The following BTAF1 variants were observed in gnomAD, a reference collection of about 807,000 sequenced individuals.
BTAF1 encodes B-TFIID TATA-box binding protein associated factor 1.
In BTAF1, 38 loss-of-function variants were observed where a neutral mutation model predicts 227.1. That is an observed-to-expected ratio of 0.17 (90% CI 0.13 to 0.22). BTAF1 has a LOEUF of 0.22. BTAF1 is among the 10% of genes least tolerant of loss of function. The pLI is 1.00. For missense variants in BTAF1, 1,598 were observed against 2,204.0 expected (o/e 0.73, Z 5.51); for synonymous variants, 742 against 751.9 (o/e 0.99, Z 0.21).
chr10:92,019,697 A>G (rs1288955983), intron 34 of BTAF1, among the ~76,000 whole-genome samples: 3 of 152,182 alleles, frequency 2.0e-5, no homozygotes, highest in Non-Finnish European at 4.4e-5. Flanking sequence ...TAGTCATCCT[A>G]CTAGGTATGA....
intron 18 of BTAF1, 43 bp from the exon 19 acceptor site, chr10:91,984,158 A>G (rs1320064905): frequency 6.5e-7 from 1 of 1,535,966 alleles, no homozygotes; most frequent in Non-Finnish European, 8.9e-7. Flanking sequence ...CTATAAAGTT[A>G]ATGTTCATAC....
chr10:92,006,671 T>C (rs904272386), intron 25 of BTAF1, among the ~76,000 whole-genome samples: 11 of 152,242 alleles, frequency 7.2e-5, no homozygotes, highest in Non-Finnish European at 1.5e-4. Flanking sequence ...CTTGAAAATA[T>C]GAATTTTATC....
chr10:91,954,663 T>A (rs1589799182), intron 6 of BTAF1, among the ~76,000 whole-genome samples: 1 of 151,956 alleles, frequency 6.6e-6, no homozygotes. Context: ...GCTCAAGCAA[T>A]CCTCCTGCCT....
intron 1 of BTAF1, chr10:91,935,284 A>G (rs184893063): frequency 6.3e-6 from 1 of 159,246 alleles, no homozygotes; most frequent in Admixed American, 6.2e-5. Flanking sequence ...ATTTGAAAAT[A>G]TACGGTAAAT....
intron 14 of BTAF1, among the ~76,000 whole-genome samples, chr10:91,978,182 G>A (rs1341466058): frequency 6.6e-6 from 1 of 152,102 alleles, no homozygotes; most frequent in Admixed American, 6.6e-5. Flanking sequence ...TCCTTCTCTG[G>A]CTGTTTTTAA....
At chr10:91,942,298 TTGTGTGTGTGTGTGTGTGTG>T (rs58443276) in intron 3 of BTAF1, 104 bp from the exon 4 acceptor site, 21 of 546,760 alleles carry the variant, frequency 3.8e-5, no homozygotes, top group Admixed American at 6.8e-5. Context: ...AAAAAAAAGT[TTGTGTGTGTGTGTGTGTGTG>T]TGTGTGTGTG....
At chr10:91,974,399 G>A (rs913533256) in intron 14 of BTAF1, among the ~76,000 whole-genome samples, 1 of 152,172 alleles carries the variant, frequency 6.6e-6, no homozygotes, top group African/African-American at 2.4e-5. Context: ...TACAGTTAAT[G>A]CAGTTGTCTC....
rs1189930557 is a variant in BTAF1 at position 91,982,097 on chromosome 10, T to A, written c.1920T>A (p.Gly640=). The A allele has an allele frequency of 6.2e-7, 1 of 1,612,952 alleles. No homozygotes were observed. Among genetic ancestry groups the A allele is most frequent in the South Asian group, 1.1e-5 (1 of 90,870 alleles). Residue 640 remains glycine (G), a synonymous_variant, in exon 17 of 38, where the codon GGT becomes GGA. Coordinates refer to ENST00000265990, the MANE Select transcript of BTAF1 (RefSeq NM_003972.3). ...VKARAKEKTG[G]KVRQGQSQNK... is the part of the protein sequence containing the mutation. ...TCCCTCTGTAGGAAAAAACAGGTGG[T>A]AAGGTGCGCCAAGGCCAAAGCCAGA... is the stretch of plus-strand genomic sequence containing the variant.
intron 28 of BTAF1, 44 bp from the exon 29 acceptor site, chr10:92,011,029 T>C (rs755778204): frequency 6.8e-7 from 1 of 1,460,508 alleles, no homozygotes; most frequent in Non-Finnish European, 9.5e-7. Flanking sequence ...ATTAAGAACT[T>C]TTCAGGGTCT....
Position 91,998,892 on chromosome 10 carries a change from G to A in BTAF1, c.3660+1141G>A, listed in dbSNP as rs1257308264. ...TGAAAATACAAAATGGTGAAACCTC[G>A]TCTCTACTAAAAATACAAAAATTTG... On this transcript the variant is annotated intron_variant, in intron 25 of 37. Transcript: ENST00000265990. Among the ~76,000 whole-genome samples, 6 of 151,930 alleles carry A rather than the reference G, an allele frequency of 3.9e-5. No homozygotes were observed. In the East Asian group the frequency reaches 5.8e-4, roughly 15 times the overall value.
intron 17 of BTAF1, 151 bp from the exon 18 acceptor site, chr10:91,982,436 T>C (rs955067298): frequency 1.9e-6 from 2 of 1,061,592 alleles, no homozygotes; most frequent in Non-Finnish European, 2.7e-6. Context: ...GAAGACAAGA[T>C]AGTCATTATA....
In BTAF1 at chr10:92,022,094, C is replaced by A. The variant is rs140364010; in HGVS notation, c.4864-2662C>A. ...TTTCAAGGCCCTGAACTCGATCAGT[C>A]TCTCAGAGCAGACTTGGGTTATAGA... is the stretch of plus-strand genomic sequence containing the variant. On this transcript the variant is annotated intron_variant, in intron 34 of 37. Transcript: ENST00000265990. Among the ~76,000 whole-genome samples the A allele has an allele frequency of 1.4e-3, 220 of 152,248 alleles. 1 individual carries two copies. The highest frequency in any genetic ancestry group is 5.0e-3 in the African/African-American group (207 of 41,528).
At chr10:91,999,582 C>T (rs1476513962) in intron 25 of BTAF1, among the ~76,000 whole-genome samples, 2 of 152,136 alleles carry the variant, frequency 1.3e-5, no homozygotes, top group East Asian at 1.9e-4. Flanking sequence ...TTAGTAGAGA[C>T]GGGATTTCTC....
At chr10:92,027,467 G>C (rs1851592362) in intron 37 of BTAF1, among the ~76,000 whole-genome samples, 167 bp downstream of exon 37, 1 of 141,030 alleles carries the variant, frequency 7.1e-6, no homozygotes, top group Non-Finnish European at 1.5e-5. Flanking sequence ...ACTAGGGGAT[G>C]TGTGAAGTTT....
intron 14 of BTAF1, among the ~76,000 whole-genome samples, chr10:91,974,115 T>C (rs566061611): frequency 1.1e-3 from 161 of 152,336 alleles, no homozygotes; most frequent in South Asian, 1.7e-3. Flanking sequence ...AGCTGTGTCC[T>C]GGTTTCAGTT....
chr10:92,015,782 C>G (rs1850677025), intron 32 of BTAF1, among the ~76,000 whole-genome samples: 1 of 152,110 alleles, frequency 6.6e-6, no homozygotes, highest in Non-Finnish European at 1.5e-5. Flanking sequence ...CTTTAGCTCT[C>G]TAGATTTTCT....
chr10:91,959,945 C>T, intron 10 of BTAF1, 33 bp from the exon 11 acceptor site: 3 of 1,597,760 alleles, frequency 1.9e-6, no homozygotes, highest in Non-Finnish European at 2.6e-6. Flanking sequence ...ACGTTTTTTG[C>T]AAATATGAGT....
Position 91,982,767 on chromosome 10 carries a change from AT to A in BTAF1, c.2223+10del. On this transcript the variant is annotated splice_region_variant and intron_variant, in intron 18 of 37. Transcript: ENST00000265990. Reference sequence around the variant, plus strand: ...AATGGGCTGCTTTACAAAAGGTAAGATTTTGCCCCAAAAGTAATAAAGACAA... The same window carrying A: ...AATGGGCTGCTTTACAAAAGGTAAGATTTGCCCCAAAAGTAATAAAGACAA... The A allele has an allele frequency of 6.3e-7, 1 of 1,592,426 alleles. No homozygotes were observed. The highest frequency in any genetic ancestry group is 8.6e-7 in the Non-Finnish European group (1 of 1,168,304).
chr10:91,963,735 C>T lies in BTAF1; in HGVS notation c.1405-342C>T, dbSNP rs190459047. Among the ~76,000 whole-genome samples the T allele has an allele frequency of 1.4e-3, 214 of 152,288 alleles. 2 individuals are homozygous for T. The highest frequency in any genetic ancestry group is 2.8e-3 in the Non-Finnish European group (189 of 68,026). On this transcript the variant is annotated intron_variant, in intron 12 of 37. Coordinates refer to ENST00000265990, the MANE Select transcript of BTAF1 (RefSeq NM_003972.3). ...TACCATTTTAAATGCAGTAAAATTA[C>T]ATAGAAGAACATGTCTTGTGTCTCG...
Sources: gnomAD v4.1 joint callset for allele counts (sites outside exome capture counted in the v4.1 genomes callset) on GRCh38, gnomAD v4.1.1 for gene constraint, MANE v1.5 for transcripts, NCBI Gene and HGNC (gene_info 2026-07-23, HGNC 2026-07-21) for gene names.